The following RPRD1B variants were observed in gnomAD, a reference collection of about 807,000 sequenced individuals.
RPRD1B encodes regulation of nuclear pre-mRNA domain containing 1B.
A neutral mutation model predicts 41.5 loss-of-function variants in RPRD1B; 11 were observed. The ratio of observed to expected loss-of-function variants is 0.27; its 90% confidence interval spans 0.17 to 0.44. The LOEUF is 0.44. Ranked by LOEUF, RPRD1B falls within the 20% of genes least tolerant of loss-of-function variation. The probability of loss-of-function intolerance (pLI) is 1.00; values close to 1 mark genes in which losing one functional copy is unlikely to be tolerated. For missense variants in RPRD1B, 248 were observed against 389.9 expected, an observed-to-expected ratio of 0.64 and a Z score of 3.06; for synonymous variants, 158 against 155.6, an observed-to-expected ratio of 1.02 and a Z score of -0.12.
chr20:38,074,226 G>T (rs1046868948), intron 6 of RPRD1B, among the ~76,000 whole-genome samples: 2 of 152,034 alleles, frequency 1.3e-5, no homozygotes, highest in African/African-American at 2.4e-5. Context: ...TTGAGTTAAT[G>T]TGTGGGCTTC....
intron 3 of RPRD1B, among the ~76,000 whole-genome samples, chr20:38,056,087 TAAG>T (rs1237360649): frequency 2.6e-5 from 4 of 152,138 alleles, no homozygotes; most frequent in Non-Finnish European, 5.9e-5. Flanking sequence ...ACAGAATCAT[TAAG>T]AAGAAGTGAA....
chr20:38,075,302 G>A (rs1476628976), intron 6 of RPRD1B, among the ~76,000 whole-genome samples: 2 of 152,186 alleles, frequency 1.3e-5, no homozygotes, highest in Non-Finnish European at 2.9e-5. Flanking sequence ...CTCTATACAA[G>A]TTAAGGATTA....
intron 6 of RPRD1B, among the ~76,000 whole-genome samples, chr20:38,072,273 C>G (rs1395891912): frequency 1.3e-5 from 2 of 152,326 alleles, no homozygotes; most frequent in East Asian, 3.9e-4. Flanking sequence ...GTTGAAGAGA[C>G]TACTCTTTTC....
At chr20:38,040,192 AAT>A (rs2074051338) in intron 1 of RPRD1B, among the ~76,000 whole-genome samples, 1 of 151,974 alleles carries the variant, frequency 6.6e-6, no homozygotes, top group Non-Finnish European at 1.5e-5. Flanking sequence ...ACTATCAATT[AAT>A]TACCCTGGTT....
chr20:38,047,169 G>A (rs2074128997), intron 2 of RPRD1B, among the ~76,000 whole-genome samples: 1 of 152,146 alleles, frequency 6.6e-6, no homozygotes, highest in African/African-American at 2.4e-5. Flanking sequence ...TATAAAATTA[G>A]CAGTAGAAAT....
intron 4 of RPRD1B, 108 bp from the exon 5 acceptor site, chr20:38,059,286 G>A: frequency 8.7e-7 from 1 of 1,155,738 alleles, no homozygotes; most frequent in Non-Finnish European, 1.2e-6. Flanking sequence ...TTAAGAAATG[G>A]CAGGAATGAC....
chr20:38,066,060 T>C (rs1439940067), intron 5 of RPRD1B, 21 bp from the exon 6 acceptor site: 1 of 1,608,924 alleles, frequency 6.2e-7, no homozygotes, highest in Admixed American at 1.7e-5. Flanking sequence ...TTCTCTATTT[T>C]TTGGTCTCAT....
In RPRD1B at chr20:38,044,910, G is replaced by A. The variant is rs865894930; in HGVS notation, c.282-3438G>A. Among the ~76,000 whole-genome samples the A allele has an allele frequency of 2.6e-5, 4 of 152,182 alleles. No individual in the cohort carries two copies. In the South Asian group the frequency reaches 8.3e-4, roughly 32 times the overall value. ...CCCTTAGTAGGCCTACCATAGGCCT[G>A]CTGTGCATGAGATAAGACAGAGTTG... On this transcript the variant is annotated intron_variant, in intron 2 of 6. Transcript: ENST00000373433.
intron 5 of RPRD1B, among the ~76,000 whole-genome samples, chr20:38,060,747 C>G (rs901707465): frequency 1.3e-5 from 2 of 152,138 alleles, no homozygotes; most frequent in African/African-American, 4.8e-5. Flanking sequence ...TTTCCCACCC[C>G]AGGAATTCAC....
intron 6 of RPRD1B, among the ~76,000 whole-genome samples, chr20:38,082,752 C>CTTTG (rs1461646973): frequency 1.3e-5 from 2 of 152,134 alleles, no homozygotes; most frequent in Admixed American, 6.5e-5. Flanking sequence ...TGATATACTC[C>CTTTG]CAGTCATTTG....
At chr20:38,052,127 A>C (rs1037596161) in intron 3 of RPRD1B, among the ~76,000 whole-genome samples, 5 of 152,182 alleles carry the variant, frequency 3.3e-5, no homozygotes, top group Non-Finnish European at 7.3e-5. Context: ...CTCACTGTAC[A>C]ATATGGCTAT....
intron 3 of RPRD1B, 28 bp from the exon 4 acceptor site, chr20:38,057,504 C>CAA: frequency 6.4e-7 from 1 of 1,554,316 alleles, no homozygotes; most frequent in Non-Finnish European, 8.9e-7. Context: ...ATATGTGACT[C>CAA]AAATTTATTA....
rs926063397 is a variant in RPRD1B, at chr20:38,052,780, T to A, written c.415+4299T>A. Reference sequence around the variant, plus strand: ...TTTTTTTTTTTTTTTTTTTTTTTTTTAAATCACAGAAAATTTCAAGTGGAT... The same window carrying A: ...TTTTTTTTTTTTTTTTTTTTTTTTTAAAATCACAGAAAATTTCAAGTGGAT... On this transcript the variant is annotated intron_variant, in intron 3 of 6. Coordinates refer to ENST00000373433, the MANE Select transcript of RPRD1B (RefSeq NM_021215.4). 1.1e-3 allele frequency among the ~76,000 whole-genome samples: 88 copies of A among 80,020 alleles called. 2 individuals carry two copies. The highest frequency in any genetic ancestry group is 3.5e-3 in the African/African-American group (64 of 18,134). The allele number at this position is 80,020 out of a possible 152,430, so 52.5% of individuals were successfully genotyped here.
intron 6 of RPRD1B, among the ~76,000 whole-genome samples, chr20:38,088,132 G>C (rs765656883): frequency 6.6e-6 from 1 of 152,176 alleles, no homozygotes. Flanking sequence ...CTCTCATTGC[G>C]GGTGGGAGAC....
intron 1 of RPRD1B, among the ~76,000 whole-genome samples, chr20:38,036,698 A>G (rs2074007227): frequency 6.6e-6 from 1 of 152,244 alleles, no homozygotes; most frequent in South Asian, 2.1e-4. Flanking sequence ...TAAAGGATAT[A>G]AACAGCGCTA....
intron 1 of RPRD1B, among the ~76,000 whole-genome samples, chr20:38,039,880 C>G (rs1010831853): frequency 2.6e-5 from 4 of 151,716 alleles, no homozygotes; most frequent in Non-Finnish European, 5.9e-5. Context: ...ACTACAGGTG[C>G]CCACCATCAC....
chr20:38,035,026 A>G (rs2073984296), intron 1 of RPRD1B, among the ~76,000 whole-genome samples: 1 of 152,228 alleles, frequency 6.6e-6, no homozygotes, highest in South Asian at 2.1e-4. Context: ...ATTAAAAAAA[A>G]TTCTCGGAGC....
rs11481142 is a variant in RPRD1B, at chr20:38,049,367, C to CTTT, written c.415+905_415+907dup. Among the ~76,000 whole-genome samples, 373 of 93,410 alleles carry CTTT rather than the reference C, an allele frequency of 4.0e-3. 5 individuals are homozygous for CTTT. Among genetic ancestry groups the CTTT allele is most frequent in the African/African-American group, 7.7e-3 (173 of 22,536 alleles). 61.3% of individuals were successfully genotyped at this position (93,410 alleles called of 152,430 possible). A position where few individuals can be genotyped will look rare whatever the true frequency, so the allele number is the denominator to read the frequency against. On this transcript the variant is annotated intron_variant, in intron 3 of 6. Transcript: ENST00000373433. The stretch of plus-strand genomic sequence containing the variant: ...TTTTTTCTTTTTTCTTTCTTTTTTT[C>CTTT]TTTTTTTTTTTTTTTTTTTTTGAGA...
At position 38,091,789 on chromosome 20, in the gene RPRD1B, A is replaced by G. The variant is rs1788390783; in HGVS notation, c.*1914A>G. The G allele has an allele frequency of 1.0e-6, 1 of 985,864 alleles. No homozygotes were observed. The highest frequency in any genetic ancestry group is 1.2e-6 in the Non-Finnish European group (1 of 829,940). 61.1% of individuals were successfully genotyped at this position (985,864 alleles called of 1,614,324 possible). A position where few individuals can be genotyped will look rare whatever the true frequency, so the allele number is the denominator to read the frequency against. ...ATTTGCTCTGATCAACTAGATGAAA[A>G]TATAGCAGAATGGATTTAGCCCACT... On this transcript the variant is annotated 3_prime_UTR_variant, in exon 7 of 7. Coordinates refer to ENST00000373433, the MANE Select transcript of RPRD1B (RefSeq NM_021215.4).
Sources: allele counts gnomAD v4.1 joint callset (sites outside exome capture counted in the v4.1 genomes callset), GRCh38; gene constraint gnomAD v4.1.1; transcripts MANE v1.5; gene names NCBI Gene and HGNC (gene_info 2026-07-23, HGNC 2026-07-21).